The following NCKAP5 variants were observed in gnomAD, a reference collection of about 807,000 sequenced individuals.
NCKAP5 encodes NCK associated protein 5.
In NCKAP5, 92 loss-of-function variants were observed where a neutral mutation model predicts 167.0. The observed-to-expected ratio is 0.55, with a 90% CI of 0.47 to 0.66. NCKAP5 has a LOEUF of 0.66. Among genes scored for constraint, NCKAP5 ranks in the 30% least tolerant of loss-of-function variants. The probability of loss-of-function intolerance (pLI) is 0.00; values close to 1 mark genes in which losing one functional copy is unlikely to be tolerated. For synonymous variants in NCKAP5, 891 were observed against 877.4 expected (o/e 1.02, Z -0.27); for missense variants, 2,378 against 2,315.0 (o/e 1.03, Z -0.56).
chr2:133,664,929 T>G, the NCKAP5 span, among the ~76,000 whole-genome samples: 1 of 152,350 alleles, frequency 6.6e-6, no homozygotes, highest in East Asian at 1.9e-4. Flanking sequence ...CTTCTTTCTT[T>G]AAACCTCATG....
intron 16 of NCKAP5, among the ~76,000 whole-genome samples, chr2:132,752,924 G>A (rs1461064932): frequency 1.3e-5 from 2 of 152,196 alleles, no homozygotes; most frequent in African/African-American, 4.8e-5. Flanking sequence ...AGGTAGTCAG[G>A]CAGGAAAAAT....
chr2:133,246,017 C>T (rs1414379558), intron 4 of NCKAP5, among the ~76,000 whole-genome samples: 2 of 151,706 alleles, frequency 1.3e-5, no homozygotes, highest in Admixed American at 6.6e-5. Flanking sequence ...GAGAAAGAAT[C>T]ATGGTTGGGG....
chr2:133,231,029 A>T (rs1435827009), intron 4 of NCKAP5, among the ~76,000 whole-genome samples: 1 of 152,182 alleles, frequency 6.6e-6, no homozygotes, highest in Non-Finnish European at 1.5e-5. Flanking sequence ...AAGACATCTC[A>T]TGCCCAAGGG....
intron 11 of NCKAP5, among the ~76,000 whole-genome samples, chr2:132,838,370 G>A (rs1485920889): frequency 1.3e-5 from 2 of 152,070 alleles, no homozygotes; most frequent in South Asian, 2.1e-4. Flanking sequence ...GGTGGTTCAC[G>A]CCTGTAATCA....
chr2:132,943,914 G>C (rs1347474843), intron 8 of NCKAP5, among the ~76,000 whole-genome samples: 2 of 152,246 alleles, frequency 1.3e-5, no homozygotes, highest in Non-Finnish European at 2.9e-5. Context: ...GCTGGGTGAA[G>C]TGTGACCGCA....
At chr2:133,530,257 G>A (rs1286957463) in intron 2 of NCKAP5, among the ~76,000 whole-genome samples, 1 of 138,162 alleles carries the variant, frequency 7.2e-6, no homozygotes, top group African/African-American at 3.0e-5. Flanking sequence ...TGACCCTCAA[G>A]TAAAAAAAAA....
At chr2:133,533,225 C>A (rs1685501945) in intron 2 of NCKAP5, among the ~76,000 whole-genome samples, 1 of 152,154 alleles carries the variant, frequency 6.6e-6, no homozygotes, top group Admixed American at 6.5e-5. Context: ...AGGACCCATG[C>A]AAAAAGGGCA....
chr2:133,327,616 C>T (rs1682543681), intron 3 of NCKAP5, among the ~76,000 whole-genome samples: 1 of 152,026 alleles, frequency 6.6e-6, no homozygotes, highest in African/African-American at 2.4e-5. Flanking sequence ...AATGATAACC[C>T]TGTCCATCTA....
intron 3 of NCKAP5, chr2:133,333,694 T>C (rs1282052747): frequency 2.0e-5 from 3 of 152,228 alleles, no homozygotes; most frequent in Non-Finnish European, 4.4e-5. Context: ...TCAGACTGCA[T>C]TGCTGAACAC....
At chr2:132,824,533 T>C (rs1450886011) in intron 11 of NCKAP5, among the ~76,000 whole-genome samples, 2 of 152,250 alleles carry the variant, frequency 1.3e-5, no homozygotes, top group African/African-American at 2.4e-5. Flanking sequence ...TATTTGGCTT[T>C]CTAATCTCTG....
chr2:132,820,494 C>T (rs1686642212), intron 11 of NCKAP5, among the ~76,000 whole-genome samples: 1 of 151,682 alleles, frequency 6.6e-6, no homozygotes, highest in African/African-American at 2.4e-5. Context: ...TCCCAAAGTG[C>T]TGGGATTACA....
intron 5 of NCKAP5, among the ~76,000 whole-genome samples, chr2:133,150,249 C>T (rs758530212): frequency 2.0e-5 from 3 of 152,154 alleles, no homozygotes; most frequent in Non-Finnish European, 4.4e-5. Flanking sequence ...CTCTGTCCTA[C>T]CCAGGATGTG....
chr2:133,027,546 G>A (rs1418773143), intron 6 of NCKAP5, among the ~76,000 whole-genome samples: 1 of 152,096 alleles, frequency 6.6e-6, no homozygotes, highest in East Asian at 1.9e-4. Flanking sequence ...ACAAACTCAG[G>A]CAATTTGGCT....
intron 16 of NCKAP5, among the ~76,000 whole-genome samples, chr2:132,753,366 G>T (rs1306306965): frequency 6.6e-6 from 1 of 152,234 alleles, no homozygotes; most frequent in East Asian, 1.9e-4. Context: ...ACTTAGAAAT[G>T]AATCTGGTGT....
At chr2:132,798,324 T>C (rs1016523673) in intron 11 of NCKAP5, among the ~76,000 whole-genome samples, 1 of 152,228 alleles carries the variant, frequency 6.6e-6, no homozygotes. Flanking sequence ...GTGCTTGTTG[T>C]AGTCTTTAAA....
chr2:133,428,754 A>G (rs898224861), intron 3 of NCKAP5, among the ~76,000 whole-genome samples: 1 of 152,160 alleles, frequency 6.6e-6, no homozygotes, highest in African/African-American at 2.4e-5. Context: ...CACAATTTAT[A>G]AAAGACTGCA....
intron 6 of NCKAP5, among the ~76,000 whole-genome samples, chr2:133,071,812 C>T (rs2080416084): frequency 6.6e-6 from 1 of 152,118 alleles, no homozygotes; most frequent in South Asian, 2.1e-4. Flanking sequence ...TAACATTTCC[C>T]AAGAGCCTAC....
At chr2:133,512,006 T>C (rs6711103) in intron 3 of NCKAP5, among the ~76,000 whole-genome samples, 88,738 of 152,000 alleles carry the variant, frequency 0.58, 27,446 homozygotes, top group East Asian at 0.92. Context: ...CTCTGTGCAG[T>C]ATCCCTATGG....
At chr2:133,553,256 G>A (rs1687499636) in intron 2 of NCKAP5, among the ~76,000 whole-genome samples, 1 of 152,172 alleles carries the variant, frequency 6.6e-6, no homozygotes, top group African/African-American at 2.4e-5. Context: ...GCAGTAAATC[G>A]CACTGGGCGC....
Sources: allele counts gnomAD v4.1 joint callset (sites outside exome capture counted in the v4.1 genomes callset), GRCh38; gene constraint gnomAD v4.1.1; transcripts MANE v1.5; gene names NCBI Gene and HGNC (gene_info 2026-07-23, HGNC 2026-07-21).